The following TAB3 variants were observed in gnomAD, a reference collection of about 807,000 sequenced individuals.
The protein encoded by TAB3 is TGF-beta-activated kinase 1 and MAP3K7-binding protein 3.
A neutral mutation model predicts 48.1 loss-of-function variants in TAB3; 18 were observed. That is an observed-to-expected ratio of 0.37 (90% CI 0.26 to 0.55). TAB3 has a LOEUF of 0.55. TAB3 is among the 20% of genes least tolerant of loss of function. The probability of loss-of-function intolerance (pLI) is 0.78; values close to 1 mark genes in which losing one functional copy is unlikely to be tolerated. For missense variants in TAB3, 414 were observed against 549.8 expected, an observed-to-expected ratio of 0.75 and a Z score of 2.47; for synonymous variants, 185 against 190.2, an observed-to-expected ratio of 0.97 and a Z score of 0.22.
rs367663654 is a variant in TAB3, at chrX:30,831,569, C to T, written c.1997G>A (p.Arg666Gln). Residue 666 changes from arginine (R) to glutamine (Q), a missense_variant, in exon 11 of 11, where the codon CGA (arginine) becomes CAA (glutamine). Transcript: ENST00000288422. ...CCGAGGACTTTGTGTGGAGCCAGTT[C>T]GATGCTCTGAGGGAGGTTAGGATTA... Reference protein sequence around the residue: ...DTQAAAADEHRTGSTQSPRTQ... With the variant: ...DTQAAAADEHQTGSTQSPRTQ... 5.8e-6 allele frequency: 7 copies of T among 1,208,056 alleles called. No homozygotes were observed. The highest frequency in any genetic ancestry group is 5.3e-5 in the African/African-American group (3 of 56,803).
At chrX:30,868,904 TTTC>T (rs1375716174) in intron 2 of TAB3, among the ~76,000 whole-genome samples, 8 of 108,111 alleles carry the variant, frequency 7.4e-5, no homozygotes, top group Non-Finnish European at 9.6e-5. Context: ...TTTACCAAAC[TTTC>T]TTATTTTTTA....
chrX:30,859,930 A>C (rs1293486578), intron 4 of TAB3, among the ~76,000 whole-genome samples: 10 of 110,143 alleles, frequency 9.1e-5, no homozygotes, highest in African/African-American at 2.6e-4. Flanking sequence ...TATTTAAAAA[A>C]AAAAAACAAA....
At chrX:30,857,755 A>T (rs1468093030) in intron 5 of TAB3, among the ~76,000 whole-genome samples, 1 of 112,323 alleles carries the variant, frequency 8.9e-6, no homozygotes, top group East Asian at 2.8e-4. Context: ...GAAAACTACC[A>T]GAATAGATTC....
intron 6 of TAB3, 102 bp from the exon 7 acceptor site, chrX:30,853,040 G>C (rs993811009): frequency 4.6e-6 from 4 of 877,257 alleles, no homozygotes; most frequent in Non-Finnish European, 6.3e-6. Context: ...ATTCAACTTG[G>C]GGGTTGGCAT....
intron 9 of TAB3, among the ~76,000 whole-genome samples, chrX:30,842,056 G>C (rs1005315228): frequency 8.9e-6 from 1 of 112,519 alleles, no homozygotes; most frequent in African/African-American, 3.2e-5. Flanking sequence ...TGATCCATCC[G>C]TCTGGCTTAA....
chrX:30,843,145 A>T (rs891828877), intron 8 of TAB3, 96 bp from the exon 9 acceptor site: 5 of 482,699 alleles, frequency 1.0e-5, no homozygotes, highest in Non-Finnish European at 3.4e-6. Flanking sequence ...ACACATAAGA[A>T]GGGAAAAATG....
At chrX:30,850,441 G>A (rs183563114) in intron 7 of TAB3, among the ~76,000 whole-genome samples, 4 of 111,442 alleles carry the variant, frequency 3.6e-5, no homozygotes, top group South Asian at 3.7e-4. Flanking sequence ...GGCCAGGTGC[G>A]GTGGCTCATG....
At chrX:30,874,375 A>C (rs5972253) in intron 1 of TAB3, among the ~76,000 whole-genome samples, 6,844 of 111,881 alleles carry the variant, frequency 0.061, 502 homozygotes, top group African/African-American at 0.21. Flanking sequence ...ATTATTGGGG[A>C]GTGAAATTAT....
At chrX:30,862,412 A>G (rs1239246678) in intron 4 of TAB3, among the ~76,000 whole-genome samples, 1 of 111,940 alleles carries the variant, frequency 8.9e-6, no homozygotes, top group African/African-American at 3.2e-5. Flanking sequence ...CCTTAATTAC[A>G]AGCCTTTAAA....
intron 4 of TAB3, among the ~76,000 whole-genome samples, chrX:30,864,641 T>C (rs1029454474): frequency 8.9e-6 from 1 of 112,044 alleles, no homozygotes; most frequent in African/African-American, 3.2e-5. Context: ...GCTCAGCAAA[T>C]AAACAGGGTG....
At chrX:30,868,403 AGCT>A (rs1231065135) in intron 2 of TAB3, among the ~76,000 whole-genome samples, 1 of 18,158 alleles carries the variant, frequency 5.5e-5, no homozygotes, top group Non-Finnish European at 8.8e-5. Flanking sequence ...ATATATATAT[AGCT>A]TATATATATA....
rs1218377778 is a variant in TAB3 at position 30,855,367 on chromosome X, G to A, written c.298C>T (p.His100Tyr). 12 of 1,209,716 alleles carry A rather than the reference G, an allele frequency of 9.9e-6. No individual in the cohort carries two copies. The highest frequency in any genetic ancestry group is 1.2e-5 in the Non-Finnish European group (11 of 895,041). Residue 100 changes from histidine to tyrosine, a missense_variant, in exon 6 of 11, where the codon CAT (histidine) becomes TAT (tyrosine). His to Tyr is a moderately conservative substitution (Grantham distance 83). Coordinates refer to ENST00000288422, the MANE Select transcript of TAB3 (RefSeq NM_152787.5). Reference sequence around the variant, plus strand: ...TCAATATGTCCATCACTTGAGCTATGTACCAGTGTTCGACCACCATTAAGT... The same window carrying A: ...TCAATATGTCCATCACTTGAGCTATATACCAGTGTTCGACCACCATTAAGT... ...AQLNGGRTLV[H>Y]SSSDGHIDPQ...
chrX:30,853,770 A>C (rs1401629196), intron 6 of TAB3, among the ~76,000 whole-genome samples: 1 of 112,100 alleles, frequency 8.9e-6, no homozygotes, highest in Non-Finnish European at 1.9e-5. Flanking sequence ...TGCCTCCTGG[A>C]TTCAAGCTAT....
chrX:30,873,945 G>A (rs935624529), intron 1 of TAB3, among the ~76,000 whole-genome samples: 7 of 111,247 alleles, frequency 6.3e-5, no homozygotes, highest in African/African-American at 1.3e-4. Flanking sequence ...AAGGCAAGGC[G>A]GGAGGATCCC....
intron 8 of TAB3, chrX:30,844,344 G>A (rs1938555110): frequency 1.8e-5 from 2 of 111,849 alleles, no homozygotes; most frequent in African/African-American, 6.5e-5. Flanking sequence ...TTTCACAAAT[G>A]TTTTATCCAC....
intron 2 of TAB3, among the ~76,000 whole-genome samples, chrX:30,868,023 A>G (rs1463293126): frequency 9.5e-6 from 1 of 105,418 alleles, no homozygotes; most frequent in Non-Finnish European, 1.9e-5. Flanking sequence ...CAGCTGCCCA[A>G]GTAGCTGGGA....
chrX:30,874,207 G>T (rs1224706153), intron 1 of TAB3, among the ~76,000 whole-genome samples: 1 of 111,636 alleles, frequency 9.0e-6, no homozygotes, highest in Non-Finnish European at 1.9e-5. Flanking sequence ...CAAAAGTTCA[G>T]GTGGATTTTT....
intron 9 of TAB3, chrX:30,836,020 C>T (rs1027118782): frequency 2.7e-5 from 3 of 111,775 alleles, no homozygotes; most frequent in African/African-American, 9.7e-5. Context: ...TTAGAAAACG[C>T]CGATTTAGTT....
chrX:30,861,073 C>T (rs934513100), intron 4 of TAB3, among the ~76,000 whole-genome samples: 6 of 111,160 alleles, frequency 5.4e-5, no homozygotes, highest in African/African-American at 1.3e-4. Flanking sequence ...AAAGGGTATG[C>T]GGTGTTCTTT....
Sources: allele counts gnomAD v4.1 joint callset (sites outside exome capture counted in the v4.1 genomes callset), GRCh38; gene constraint gnomAD v4.1.1; transcripts MANE v1.5; gene names NCBI Gene and HGNC (gene_info 2026-07-23, HGNC 2026-07-21).